The following HSPA4 variants were observed in gnomAD, a reference collection of about 807,000 sequenced individuals.
HSPA4 encodes the protein heat shock protein family A (Hsp70) member 4, also known as heat shock 70 kDa protein 4.
A neutral mutation model predicts 106.2 loss-of-function variants in HSPA4; 25 were observed. The observed-to-expected ratio is 0.24, with a 90% confidence interval of 0.17 to 0.33. HSPA4 has a LOEUF of 0.33. Ranked by LOEUF, HSPA4 falls within the 10% of genes least tolerant of loss-of-function variation. HSPA4 has a pLI of 1.00. For synonymous variants in HSPA4, 332 were observed against 333.6 expected, an observed-to-expected ratio of 1.00 and a Z score of 0.05; for missense variants, 841 against 996.0, an observed-to-expected ratio of 0.84 and a Z score of 2.10.
chr5:133,067,698 C>A, intron 3 of HSPA4, 141 bp downstream of exon 3: 1 of 703,146 alleles, frequency 1.4e-6, no homozygotes. Context: ...CTAGTAAAGA[C>A]TATTTGACAA....
intron 1 of HSPA4, among the ~76,000 whole-genome samples, chr5:133,060,518 A>G (rs1177382555): frequency 1.3e-5 from 2 of 152,200 alleles, no homozygotes; most frequent in African/African-American, 2.4e-5. Flanking sequence ...GCGTGCCACC[A>G]TGCCTGGCTA....
chr5:133,074,963 G>A (rs1204719308), intron 6 of HSPA4, among the ~76,000 whole-genome samples: 2 of 152,166 alleles, frequency 1.3e-5, no homozygotes, highest in African/African-American at 4.8e-5. Flanking sequence ...AATTGTTGGT[G>A]CCAAGGTCTG....
chr5:133,059,750 C>G (rs184870347), intron 1 of HSPA4, among the ~76,000 whole-genome samples: 7 of 152,246 alleles, frequency 4.6e-5, no homozygotes, highest in Non-Finnish European at 1.0e-4. Flanking sequence ...TATACTAATC[C>G]CATTTCTCAG....
chr5:133,070,946 C>T (rs1378410604), intron 4 of HSPA4, among the ~76,000 whole-genome samples: 2 of 152,076 alleles, frequency 1.3e-5, no homozygotes, highest in Non-Finnish European at 2.9e-5. Context: ...TTTTCTTACT[C>T]TCTTCTGCTG....
At chr5:133,077,278 G>A (rs533021017) in intron 7 of HSPA4, among the ~76,000 whole-genome samples, 2 of 151,898 alleles carry the variant, frequency 1.3e-5, no homozygotes, top group African/African-American at 4.8e-5. Context: ...TTGCTGTTTT[G>A]CCCAGGCTGG....
At chr5:133,054,856 T>C (rs1765139364) in intron 1 of HSPA4, among the ~76,000 whole-genome samples, 1 of 152,214 alleles carries the variant, frequency 6.6e-6, no homozygotes, top group African/African-American at 2.4e-5. Context: ...GCTGAGTTAA[T>C]GTATTTAGTG....
rs200944931 is a variant in HSPA4, at chr5:133,097,219, T to C, written c.1862T>C (p.Val621Ala). Residue 621 changes from valine to alanine, a missense_variant, in exon 15 of 19, where the codon GTG becomes GCG. Physicochemically the swap from Val to Ala is moderately conservative, Grantham distance 64 (BLOSUM62 0). Around this residue, in one of 5 missense-constraint regions of HSPA4, gnomAD observed 328 missense variants for 372.2 expected, o/e 0.88. Transcript: ENST00000304858. ...GAGCGGAATGATGCTAAGAACGCAGTGGAGGAATATGTGTATGAAATGAGA... is the reference window on the plus strand; with the variant it reads ...GAGCGGAATGATGCTAAGAACGCAGCGGAGGAATATGTGTATGAAATGAGA... ...EKERNDAKNA[V>A]EEYVYEMRDK... 31 of 1,611,688 alleles carry C rather than the reference T, an allele frequency of 1.9e-5. No individual in the cohort carries two copies. The Admixed American group carries it at 4.0e-4, about 21-fold the overall frequency.
rs868539133 is a variant in HSPA4, at chr5:133,058,516, A to G, written c.107+6159A>G. ...AACCCGGTGAAACCTTGTCTCTACT[A>G]AAAAATACAAAATTAGCTGGGTGTG... On this transcript the variant is annotated intron_variant, in intron 1 of 18. Coordinates refer to ENST00000304858, the MANE Select transcript of HSPA4 (RefSeq NM_002154.4). Among the ~76,000 whole-genome samples the G allele has an allele frequency of 5.9e-5, 9 of 151,746 alleles. No individual in the cohort carries two copies. In the Middle Eastern group the frequency reaches 0.01, roughly 172 times the overall value.
rs1765838390 is a variant in HSPA4 at position 133,104,988 on chromosome 5, C to CAGGG, written c.*552_*553insAGGG. Reference sequence around the variant, plus strand: ...CCTTCACCCTCACCTGTGTTCTCTTCCCTCTCTCCCAATAAAAGGGCTCCC... The same window carrying CAGGG: ...CCTTCACCCTCACCTGTGTTCTCTTCAGGGCCTCTCTCCCAATAAAAGGGCTCCC... On this transcript the variant is annotated 3_prime_UTR_variant, in exon 19 of 19. Transcript: ENST00000304858. 6.6e-6 allele frequency: 1 copy of CAGGG among 152,628 alleles called. No individual in the cohort carries two copies. The highest frequency in any genetic ancestry group is 2.4e-5 in the African/African-American group (1 of 41,440). 9.5% of individuals were successfully genotyped at this position (152,628 alleles called of 1,614,324 possible).
At chr5:133,102,706 G>A (rs1487498713) in intron 17 of HSPA4, among the ~76,000 whole-genome samples, 1 of 152,070 alleles carries the variant, frequency 6.6e-6, no homozygotes, top group African/African-American at 2.4e-5. Flanking sequence ...AACTTTGAAT[G>A]ATAAATTGAG....
intron 7 of HSPA4, 101 bp downstream of exon 7, chr5:133,076,999 T>C: frequency 1.8e-6 from 2 of 1,104,576 alleles, no homozygotes; most frequent in Non-Finnish European, 2.6e-6. Context: ...GGAGGTTATA[T>C]GATAATTTTG....
intron 16 of HSPA4, 57 bp downstream of exon 16, chr5:133,099,709 G>T: frequency 1.2e-6 from 1 of 839,770 alleles, no homozygotes; most frequent in Non-Finnish European, 2.0e-6. Context: ...TTCCTCTGAG[G>T]AGCTCAAATT....
chr5:133,106,142 G>GTT lies in HSPA4; in HGVS notation c.*1707_*1708insTT, dbSNP rs1561589209. Reference sequence around the variant, plus strand: ...TTTTTTTTTTTTTTTTTTTTTTTTGGTGTGTGTGTGTGTGTGTGTGGGGAA... The same window carrying GTT: ...TTTTTTTTTTTTTTTTTTTTTTTTGGTTTGTGTGTGTGTGTGTGTGTGGGGAA... On this transcript the variant is annotated 3_prime_UTR_variant, in exon 19 of 19. Transcript: ENST00000304858. 1 of 24,128 alleles carries GTT rather than the reference G, an allele frequency of 4.1e-5. No homozygotes were observed. The highest frequency in any genetic ancestry group is 2.5e-4 in the African/African-American group (1 of 3,988). The allele number at this position is 24,128 out of a possible 1,614,324, so 1.5% of individuals were successfully genotyped here.
intron 15 of HSPA4, among the ~76,000 whole-genome samples, chr5:133,097,610 G>A (rs1367800188): frequency 1.4e-5 from 2 of 148,002 alleles, no homozygotes; most frequent in African/African-American, 5.0e-5. Flanking sequence ...GTGCAGTGGC[G>A]TGATCTCGGC....
chr5:133,052,493 A>C, intron 1 of HSPA4, 136 bp downstream of exon 1: 1 of 605,308 alleles, frequency 1.7e-6, no homozygotes, highest in South Asian at 2.0e-5. Flanking sequence ...TAGGTCAGGG[A>C]CCCCCAGTAG....
chr5:133,104,406 C>T lies in HSPA4; in HGVS notation c.2493C>T (p.Asp831=), dbSNP rs1370569691. The T allele has an allele frequency of 6.2e-7, 1 of 1,614,148 alleles. No individual in the cohort carries two copies. Among genetic ancestry groups the T allele is most frequent in the Admixed American group, 1.7e-5 (1 of 60,014 alleles). Residue 831 remains aspartate (D), a synonymous_variant, in exon 19 of 19, where the codon GAC becomes GAT. Transcript: ENST00000304858. The part of the protein sequence containing the change: ...GTDTAVPSDS[D]KKLPEMDID Reference sequence around the variant, plus strand: ...ACACAGCTGTGCCTTCGGATTCAGACAAGAAGCTTCCTGAAATGGACATTG... The same window carrying T: ...ACACAGCTGTGCCTTCGGATTCAGATAAGAAGCTTCCTGAAATGGACATTG...
At chr5:133,071,087 C>CA (rs1216983217) in intron 4 of HSPA4, among the ~76,000 whole-genome samples, 1 of 151,912 alleles carries the variant, frequency 6.6e-6, no homozygotes, top group Non-Finnish European at 1.5e-5. Context: ...ACAGGGTAGC[C>CA]ACTCATTTGT....
intron 1 of HSPA4, among the ~76,000 whole-genome samples, chr5:133,055,103 C>T (rs908292680): frequency 6.6e-6 from 1 of 152,038 alleles, no homozygotes; most frequent in African/African-American, 2.4e-5. Context: ...TATATATGAC[C>T]CCATACACCA....
At chr5:133,090,508 A>G (rs1313482865) in intron 11 of HSPA4, among the ~76,000 whole-genome samples, 1 of 151,594 alleles carries the variant, frequency 6.6e-6, no homozygotes, top group Admixed American at 6.6e-5. Flanking sequence ...AAAACATACT[A>G]GGTTTCAGAA....
Sources: allele counts gnomAD v4.1 joint callset (sites outside exome capture counted in the v4.1 genomes callset), GRCh38; gene constraint gnomAD v4.1.1; regional missense constraint gnomAD v4.1.1; transcripts MANE v1.5; gene names NCBI Gene and HGNC (gene_info 2026-07-23, HGNC 2026-07-21).